The following EP300 variants were observed in gnomAD, a reference collection of about 807,000 sequenced individuals.
EP300 encodes the protein EP300 lysine acetyltransferase.
EP300 carries 31 observed loss-of-function variants against 264.0 expected under a neutral mutation model. The ratio of observed to expected loss-of-function variants is 0.12; its 90% confidence interval spans 0.09 to 0.16. The LOEUF (loss-of-function observed/expected upper bound fraction) is 0.16. EP300 is among the 10% of genes least tolerant of loss of function. The probability of loss-of-function intolerance (pLI) is 1.00; values close to 1 mark genes in which losing one functional copy is unlikely to be tolerated. For missense variants in EP300, 2,766 were observed against 3,052.9 expected (o/e 0.91, Z 2.21); for synonymous variants, 1,340 against 1,045.4 (o/e 1.28, Z -5.44).
At chr22:41,145,751 C>T (rs984654104) in intron 10 of EP300, among the ~76,000 whole-genome samples, 3 of 152,120 alleles carry the variant, frequency 2.0e-5, no homozygotes, top group Non-Finnish European at 4.4e-5. Flanking sequence ...ATTCTCCTGC[C>T]TCAGCCTCCC....
rs2058946879 is a variant in EP300, at chr22:41,135,734, TG to T, written c.1529-78del. On this transcript the variant is annotated intron_variant, in intron 6 of 30. Transcript: ENST00000263253. ...CAAATTTTTTTTCTGATTTGTCATTTGTTTCTTAACTTTATAGTATTTATTG... is the reference window on the plus strand; with the variant it reads ...CAAATTTTTTTTCTGATTTGTCATTTTTTCTTAACTTTATAGTATTTATTG... 1.5e-5 allele frequency: 17 copies of T among 1,140,730 alleles called. No homozygotes were observed. The South Asian group carries it at 2.0e-4, about 14-fold the overall frequency. The allele number at this position is 1,140,730 out of a possible 1,614,324, so 70.7% of individuals were successfully genotyped here.
intron 25 of EP300, chr22:41,169,231 A>C: frequency 1.8e-6 from 1 of 553,766 alleles, no homozygotes; most frequent in Non-Finnish European, 3.2e-6. Context: ...TATAAAGGCA[A>C]TAATAAAAAC....
intron 4 of EP300, among the ~76,000 whole-genome samples, chr22:41,128,105 G>T (rs1045903547): frequency 3.3e-5 from 5 of 152,108 alleles, no homozygotes; most frequent in African/African-American, 1.2e-4. Context: ...AGTCAAGGCT[G>T]CAGGGGGCTA....
chr22:41,167,826 G>GTTTTTTTTTTTTTTTTTTTTTTTT (rs1192332279), intron 23 of EP300, among the ~76,000 whole-genome samples: 20 of 32,180 alleles, frequency 6.2e-4, no homozygotes, highest in African/African-American at 8.9e-4. Context: ...TTTTTTTTTT[G>GTTTTTTTTTTTTTTTTTTTTTTTT]TTTTTTTTTT....
chr22:41,152,529 T>TA (rs2059052761), intron 16 of EP300, among the ~76,000 whole-genome samples, 179 bp downstream of exon 16: 5 of 151,680 alleles, frequency 3.3e-5, no homozygotes, highest in Admixed American at 3.3e-4. Flanking sequence ...TTTTTTTTTT[T>TA]AATATTCACT....
intron 1 of EP300, among the ~76,000 whole-genome samples, chr22:41,110,200 G>T (rs1053229175): frequency 1.7e-4 from 23 of 136,548 alleles, no homozygotes; most frequent in Admixed American, 1.2e-3. Context: ...GGATCATAGC[G>T]CACTGCAGCC....
chr22:41,176,652 G>A (rs2059202317), intron 30 of EP300, 121 bp from the exon 31 acceptor site: 3 of 1,608,392 alleles, frequency 1.9e-6, no homozygotes, highest in South Asian at 2.2e-5. Flanking sequence ...TTGAGGGGCA[G>A]AGCTGAAGAG....
At chr22:41,150,249 T>G (rs773171377) in intron 14 of EP300, 51 bp downstream of exon 14, 2 of 1,528,112 alleles carry the variant, frequency 1.3e-6, no homozygotes, top group Non-Finnish European at 1.8e-6. Flanking sequence ...TACTGTAGTA[T>G]TATATTACTT....
Position 41,179,515 on chromosome 22 carries a change from A to ATTCTT in EP300, c.*562_*566dup, listed in dbSNP as rs1414779458. ...TTTTTCTCTGGGTGCAAAGATGTTC[A>ATTCTT]TTCTTTTAAAAAATGTTTAAAAAAA... On this transcript the variant is annotated 3_prime_UTR_variant, in exon 31 of 31. Transcript: ENST00000263253. 1 of 175,126 alleles carries ATTCTT rather than the reference A, an allele frequency of 5.7e-6. No homozygotes were observed. The highest frequency in any genetic ancestry group is 1.2e-5 in the Non-Finnish European group (1 of 85,330). The allele number at this position is 175,126 out of a possible 1,614,324, so 10.8% of individuals were successfully genotyped here.
intron 2 of EP300, among the ~76,000 whole-genome samples, chr22:41,120,718 T>C (rs1178142113): frequency 6.6e-6 from 1 of 152,134 alleles, no homozygotes; most frequent in East Asian, 1.9e-4. Context: ...CAGAATGTTT[T>C]AAGTTACTTT....
At chr22:41,111,338 AC>A (rs2058789045) in intron 1 of EP300, among the ~76,000 whole-genome samples, 1 of 152,160 alleles carries the variant, frequency 6.6e-6, no homozygotes. Context: ...TCACTTTGAT[AC>A]GTTTATATTT....
At chr22:41,093,442 A>AT (rs1178581141) in intron 1 of EP300, among the ~76,000 whole-genome samples, 2 of 151,946 alleles carry the variant, frequency 1.3e-5, no homozygotes, top group South Asian at 4.2e-4. Context: ...TTTAAGTTTC[A>AT]TTTTTTTTGT....
intron 2 of EP300, among the ~76,000 whole-genome samples, chr22:41,118,910 T>C (rs1167916033): frequency 2.6e-5 from 4 of 151,938 alleles, no homozygotes; most frequent in Non-Finnish European, 5.9e-5. Flanking sequence ...TCAAAAACCT[T>C]AAATTTTTTT....
At chr22:41,120,283 C>T (rs1447164366) in intron 2 of EP300, among the ~76,000 whole-genome samples, 1 of 152,152 alleles carries the variant, frequency 6.6e-6, no homozygotes, top group Non-Finnish European at 1.5e-5. Context: ...TCATTCCAGA[C>T]CAGCCCCAGC....
chr22:41,101,516 A>G (rs554660350), intron 1 of EP300, among the ~76,000 whole-genome samples: 34 of 148,426 alleles, frequency 2.3e-4, no homozygotes, highest in African/African-American at 7.0e-4. Context: ...GGTTCATGCC[A>G]TTCTCCTGCC....
chr22:41,142,032 A>G (rs1313082550), intron 10 of EP300, among the ~76,000 whole-genome samples: 4 of 152,188 alleles, frequency 2.6e-5, no homozygotes, highest in Non-Finnish European at 5.9e-5. Context: ...TTATAGCATC[A>G]TTGTTGACCT....
At chr22:41,165,330 T>C (rs2059128265) in intron 22 of EP300, among the ~76,000 whole-genome samples, 1 of 152,226 alleles carries the variant, frequency 6.6e-6, no homozygotes, top group Admixed American at 6.5e-5. Flanking sequence ...TATGACAGTT[T>C]ATGAAGTAAA....
At position 41,177,681 on chromosome 22, in the gene EP300, G is replaced by A. The variant is rs2145518752; in HGVS notation, c.5970G>A (p.Gln1990=). ...LEPGMGPTGM[Q]QQPPWSQGGL... ...CAGGGATGGGACCGACAGGGATGCAGCAACAGCCACCCTGGAGCCAAGGAG... is the reference window on the plus strand; with the variant it reads ...CAGGGATGGGACCGACAGGGATGCAACAACAGCCACCCTGGAGCCAAGGAG... The change falls in exon 31 of 31, where the codon CAG becomes CAA. Residue 1990 remains glutamine (Q), a synonymous_variant. Transcript: ENST00000263253. The A allele has an allele frequency of 6.2e-7, 1 of 1,613,888 alleles. No homozygotes were observed. The highest frequency in any genetic ancestry group is 1.1e-5 in the South Asian group (1 of 91,084).
At chr22:41,129,290 C>T (rs557774762) in intron 4 of EP300, among the ~76,000 whole-genome samples, 4 of 152,260 alleles carry the variant, frequency 2.6e-5, no homozygotes, top group African/African-American at 9.6e-5. Context: ...GAATTACAGG[C>T]GTGAGCCACC....
Sources: allele counts gnomAD v4.1 joint callset (sites outside exome capture counted in the v4.1 genomes callset), GRCh38; gene constraint gnomAD v4.1.1; transcripts MANE v1.5; gene names NCBI Gene and HGNC (gene_info 2026-07-23, HGNC 2026-07-21).